EXOC4: variants seen among roughly 807,000 people sequenced by gnomAD.
The protein encoded by EXOC4 is SEC8-like 1.
In EXOC4, 71 loss-of-function variants were observed where a neutral mutation model predicts 107.2. The ratio of observed to expected loss-of-function variants is 0.66; its 90% CI spans 0.55 to 0.81. The LOEUF is 0.81. EXOC4 is among the 30% of genes least tolerant of loss of function. The pLI, the probability that EXOC4 is intolerant of heterozygous loss-of-function variation, is 0.00. For synonymous variants in EXOC4, 456 were observed against 441.2 expected, an observed-to-expected ratio of 1.03 and a Z score of -0.42; for missense variants, 1,108 against 1,189.6, an observed-to-expected ratio of 0.93 and a Z score of 1.01.
chr7:133,543,357 A>G (rs1184621625), intron 9 of EXOC4, among the ~76,000 whole-genome samples: 2 of 152,084 alleles, frequency 1.3e-5, no homozygotes, highest in Non-Finnish European at 2.9e-5. Context: ...AGCTCTTATC[A>G]GTTGATATTC....
chr7:133,619,356 T>G (rs1802271612), intron 9 of EXOC4, among the ~76,000 whole-genome samples: 1 of 152,250 alleles, frequency 6.6e-6, no homozygotes, highest in South Asian at 2.1e-4. Context: ...AGCACACCTC[T>G]GTGCGTGAAG....
chr7:133,433,294 C>T lies in EXOC4; in HGVS notation c.1183-42034C>T, dbSNP rs75114504. Among the ~76,000 whole-genome samples, 18 of 152,310 alleles carry T rather than the reference C, an allele frequency of 1.2e-4. No individual in the cohort carries two copies. The East Asian group carries it at 3.5e-3, about 29-fold the overall frequency. On this transcript the variant is annotated intron_variant, in intron 7 of 17. Coordinates refer to ENST00000253861, the MANE Select transcript of EXOC4 (RefSeq NM_021807.4). Reference sequence around the variant, plus strand: ...AACCTATGAGAGCAGTCTGTTTCGTCATCCAATTGCTATTGGACTTGGTCG... The same window carrying T: ...AACCTATGAGAGCAGTCTGTTTCGTTATCCAATTGCTATTGGACTTGGTCG...
rs143983505 is a variant in EXOC4, at chr7:133,678,746, G to A, written c.1514+48605G>A. ...CTGCCTCAGGCTCCCAGGTGGCTGG[G>A]ACCACAGGCGCATGCCTCCACACCT... On this transcript the variant is annotated intron_variant, in intron 10 of 17. Coordinates refer to ENST00000253861, the MANE Select transcript of EXOC4 (RefSeq NM_021807.4). 5.9e-3 allele frequency among the ~76,000 whole-genome samples: 891 copies of A among 152,028 alleles called. 4 individuals carry two copies. Among genetic ancestry groups the A allele is most frequent in the African/African-American group, 0.017 (711 of 41,464 alleles).
chr7:133,589,379 C>G (rs901839419), intron 9 of EXOC4, among the ~76,000 whole-genome samples: 3 of 152,196 alleles, frequency 2.0e-5, no homozygotes, highest in African/African-American at 7.2e-5. Flanking sequence ...CTGTGCTCTT[C>G]ACCTGTCCAT....
Position 133,618,164 on chromosome 7 carries a change from A to C in EXOC4, c.1418-11881A>C, listed in dbSNP as rs1372351675. 2.0e-5 allele frequency among the ~76,000 whole-genome samples: 3 copies of C among 152,064 alleles called. No homozygotes were observed. In the South Asian group the frequency reaches 6.2e-4, roughly 31 times the overall value. On this transcript the variant is annotated intron_variant, in intron 9 of 17. Transcript: ENST00000253861. ...TTCACCTTAATGACTCCTGCCTTTT[A>C]TACCTTTTTCTTGCTTTATTGCAGT... is the stretch of plus-strand genomic sequence containing the variant.
At chr7:133,640,236 C>T (rs982978134) in intron 10 of EXOC4, among the ~76,000 whole-genome samples, 2 of 152,070 alleles carry the variant, frequency 1.3e-5, no homozygotes, top group Admixed American at 6.6e-5. Flanking sequence ...ATTGTGAATT[C>T]TATCCCTACA....
chr7:133,975,638 G>A (rs1793814459), intron 14 of EXOC4, among the ~76,000 whole-genome samples: 1 of 152,046 alleles, frequency 6.6e-6, no homozygotes, highest in Admixed American at 6.6e-5. Context: ...TTTATGATGA[G>A]GGGTGGGAGA....
At chr7:133,958,258 A>G (rs1028750958) in intron 14 of EXOC4, among the ~76,000 whole-genome samples, 1 of 104,878 alleles carries the variant, frequency 9.5e-6, no homozygotes, top group Non-Finnish European at 1.9e-5. Flanking sequence ...AAGTACTATC[A>G]TTTCTTTTCC....
At chr7:134,043,743 G>A (rs1795580032) in intron 17 of EXOC4, among the ~76,000 whole-genome samples, 1 of 152,148 alleles carries the variant, frequency 6.6e-6, no homozygotes, top group Non-Finnish European at 1.5e-5. Flanking sequence ...GTTTGGAGGT[G>A]GCAAGTTTGT....
chr7:133,801,186 A>G (rs1796933892), intron 10 of EXOC4, among the ~76,000 whole-genome samples: 1 of 152,208 alleles, frequency 6.6e-6, no homozygotes, highest in African/African-American at 2.4e-5. Flanking sequence ...AAGGGTAGGC[A>G]AAACATCTAC....
chr7:133,959,095 A>G (rs2971971), intron 14 of EXOC4, among the ~76,000 whole-genome samples: 108,740 of 152,070 alleles, frequency 0.72, 39,362 homozygotes, highest in East Asian at 0.91. Context: ...CTACAAAGAC[A>G]ACTACAATGC....
At chr7:133,709,809 G>C (rs76671103) in intron 10 of EXOC4, among the ~76,000 whole-genome samples, 2,036 of 152,038 alleles carry the variant, frequency 0.013, 40 homozygotes, top group African/African-American at 0.046. Flanking sequence ...TATAAAATGG[G>C]GATAGCAATA....
chr7:133,929,174 A>G (rs1381423715), intron 13 of EXOC4, among the ~76,000 whole-genome samples: 2 of 151,778 alleles, frequency 1.3e-5, no homozygotes, highest in African/African-American at 2.4e-5. Context: ...TTCGTGATCT[A>G]TTCGCCTTGG....
chr7:133,574,250 C>A (rs914484826), intron 9 of EXOC4, among the ~76,000 whole-genome samples: 10 of 151,942 alleles, frequency 6.6e-5, no homozygotes, highest in African/African-American at 2.4e-4. Context: ...CATGCATAAT[C>A]ATATACTCAT....
intron 7 of EXOC4, among the ~76,000 whole-genome samples, chr7:133,413,907 C>G (rs1350095285): frequency 6.6e-6 from 1 of 152,022 alleles, no homozygotes; most frequent in Non-Finnish European, 1.5e-5. Flanking sequence ...AAGGGACATA[C>G]TTTCATGACA....
chr7:133,757,357 T>G (rs1445163727), intron 10 of EXOC4, among the ~76,000 whole-genome samples: 2 of 152,224 alleles, frequency 1.3e-5, no homozygotes, highest in Non-Finnish European at 2.9e-5. Flanking sequence ...GCATCTTACT[T>G]TTAAAAAAAT....
intron 7 of EXOC4, among the ~76,000 whole-genome samples, chr7:133,410,592 G>C (rs1434434189): frequency 6.6e-6 from 1 of 152,116 alleles, no homozygotes; most frequent in Non-Finnish European, 1.5e-5. Context: ...TTTCCCTTCA[G>C]GATTGTGTGT....
At chr7:134,009,071 C>T (rs1178528155) in intron 17 of EXOC4, among the ~76,000 whole-genome samples, 1 of 152,144 alleles carries the variant, frequency 6.6e-6, no homozygotes, top group African/African-American at 2.4e-5. Flanking sequence ...AAAGCTTAAG[C>T]AATTTGAAGA....
At chr7:133,896,756 C>T (rs1297190293) in intron 12 of EXOC4, among the ~76,000 whole-genome samples, 3 of 148,258 alleles carry the variant, frequency 2.0e-5, no homozygotes, top group Non-Finnish European at 4.4e-5. Context: ...ACCTCCGCCT[C>T]CCAGGTTCAA....
Sources: gnomAD v4.1 joint callset for allele counts (sites outside exome capture counted in the v4.1 genomes callset) on GRCh38, gnomAD v4.1.1 for gene constraint, MANE v1.5 for transcripts, NCBI Gene and HGNC (gene_info 2026-07-23, HGNC 2026-07-21) for gene names.